SAXO1: variants seen among roughly 807,000 people sequenced by gnomAD.
SAXO1 encodes stabilizer of axonemal microtubules 1, also known as 4930500O09Rik.
SAXO1 carries 21 observed loss-of-function variants against 17.5 expected under a neutral mutation model. The observed-to-expected ratio is 1.20, with a 90% CI of 0.85 to 1.72. The LOEUF is 1.72. SAXO1 is among the 40% of genes most tolerant of loss of function. The pLI is 0.00. For missense variants in SAXO1, 843 were observed against 596.0 expected, an observed-to-expected ratio of 1.41 and a Z score of -4.32; for synonymous variants, 274 against 216.5, an observed-to-expected ratio of 1.27 and a Z score of -2.33.
At chr9:18,936,067 G>T (rs981925431) in intron 3 of SAXO1, among the ~76,000 whole-genome samples, 1 of 152,104 alleles carries the variant, frequency 6.6e-6, no homozygotes, top group Non-Finnish European at 1.5e-5. Context: ...GTCTAGAAAT[G>T]GTTGATTTTC....
rs1454467617 is a variant in SAXO1 at position 18,959,603 on chromosome 9, T to C, written c.39-8666A>G. Among the ~76,000 whole-genome samples, 9 of 152,206 alleles carry C rather than the reference T, an allele frequency of 5.9e-5. No individual in the cohort carries two copies. The East Asian group carries it at 1.7e-3, about 29-fold the overall frequency. On this transcript the variant is annotated intron_variant, in intron 1 of 3. Coordinates refer to ENST00000380534, the MANE Select transcript of SAXO1 (RefSeq NM_153707.4). ...CTGGCCAATATGGTGAAACCCCATC[T>C]CTACCAAAAATACAAAAATTGGCCA... is the stretch of plus-strand genomic sequence containing the variant.
At chr9:18,979,534 T>C (rs933250069) in intron 1 of SAXO1, among the ~76,000 whole-genome samples, 4 of 152,164 alleles carry the variant, frequency 2.6e-5, no homozygotes, top group African/African-American at 9.7e-5. Context: ...TCCAGAGCCT[T>C]TGGCCTGGGG....
chr9:19,045,539 T>C (rs998714217), intron 1 of SAXO1, among the ~76,000 whole-genome samples: 1 of 152,154 alleles, frequency 6.6e-6, no homozygotes, highest in African/African-American at 2.4e-5. Context: ...AGCTGGCCTA[T>C]AAACTGAATA....
At chr9:18,997,602 G>A (rs908229679) in intron 1 of SAXO1, among the ~76,000 whole-genome samples, 2 of 152,246 alleles carry the variant, frequency 1.3e-5, no homozygotes, top group African/African-American at 2.4e-5. Flanking sequence ...TAGTTCTGAA[G>A]ACAGCAGTGG....
intron 1 of SAXO1, among the ~76,000 whole-genome samples, chr9:18,954,393 G>C (rs1365143680): frequency 6.6e-6 from 1 of 151,836 alleles, no homozygotes; most frequent in Non-Finnish European, 1.5e-5. Context: ...CTGGAGGGCA[G>C]TGGTGCCATC....
chr9:18,971,259 A>C (rs1208474095), intron 1 of SAXO1, among the ~76,000 whole-genome samples: 7 of 152,098 alleles, frequency 4.6e-5, no homozygotes, highest in African/African-American at 1.7e-4. Flanking sequence ...CACTGCTCGT[A>C]AGCTGCCAAA....
chr9:19,031,824 C>T (rs536567332), intron 1 of SAXO1, among the ~76,000 whole-genome samples: 2 of 152,254 alleles, frequency 1.3e-5, no homozygotes, highest in African/African-American at 4.8e-5. Context: ...TAATCAGCAG[C>T]CAGAGTTGGG....
rs1166649923 is a variant in SAXO1 at position 18,928,170 on chromosome 9, T to C, written c.1307A>G (p.Asp436Gly). Residue 436 changes from aspartate (D) to glycine (G), a missense_variant, in exon 4 of 4, where the codon GAT becomes GGT. Asp to Gly is a moderately conservative substitution (Grantham distance 94). Coordinates refer to ENST00000380534, the MANE Select transcript of SAXO1 (RefSeq NM_153707.4). ...TTTGTATATCCTGTGACCCAAAGCA[T>C]CCACTTCCTCAAAGGTGTAGCCAGG... The part of the protein sequence containing the change: ...EPPGYTFEEV[D>G]ALGHRIYKPV... 1.2e-6 allele frequency: 2 copies of C among 1,614,080 alleles called. No homozygotes were observed. The highest frequency in any genetic ancestry group is 1.3e-5 in the African/African-American group (1 of 74,934).
chr9:18,996,109 T>G (rs1431360836), intron 1 of SAXO1, among the ~76,000 whole-genome samples: 1 of 152,032 alleles, frequency 6.6e-6, no homozygotes, highest in Non-Finnish European at 1.5e-5. Flanking sequence ...AAAGTTTTAT[T>G]ATATAAATGT....
chr9:19,034,762 G>C (rs1835892531), upstream of SAXO1, among the ~76,000 whole-genome samples: 1 of 152,230 alleles, frequency 6.6e-6, no homozygotes, highest in Non-Finnish European at 1.5e-5. Context: ...GGAAGTCAAA[G>C]CAAAACCTGC....
intron 1 of SAXO1, among the ~76,000 whole-genome samples, chr9:19,012,082 G>A (rs374207168): frequency 1.3e-4 from 20 of 151,928 alleles, no homozygotes; most frequent in East Asian, 3.9e-4. Context: ...TTGACCTCAT[G>A]ATCCGCCCAC....
chr9:19,046,653 G>T (rs911382979), intron 1 of SAXO1, among the ~76,000 whole-genome samples: 4 of 150,724 alleles, frequency 2.7e-5, no homozygotes, highest in African/African-American at 9.8e-5. Context: ...GGTGAGCTGA[G>T]ATCATGCCAT....
At chr9:18,945,369 T>C (rs1831748436) in intron 2 of SAXO1, among the ~76,000 whole-genome samples, 1 of 152,256 alleles carries the variant, frequency 6.6e-6, no homozygotes, top group African/African-American at 2.4e-5. Flanking sequence ...ACTTCCGTGA[T>C]ACCACTCCTC....
chr9:18,980,935 C>A (rs1245098005), intron 1 of SAXO1, among the ~76,000 whole-genome samples: 1 of 152,206 alleles, frequency 6.6e-6, no homozygotes, highest in East Asian at 1.9e-4. Context: ...GGGAGATTTT[C>A]ACCTTTAAAA....
intron 1 of SAXO1, among the ~76,000 whole-genome samples, chr9:19,021,312 G>C (rs1446087211): frequency 6.6e-6 from 1 of 152,186 alleles, no homozygotes; most frequent in South Asian, 2.1e-4. Flanking sequence ...GTACCCAGAA[G>C]AAAACAGATC....
chr9:19,037,677 T>A (rs1251885127), upstream of SAXO1, among the ~76,000 whole-genome samples: 1 of 152,208 alleles, frequency 6.6e-6, no homozygotes, highest in Non-Finnish European at 1.5e-5. Flanking sequence ...GTCTCAGGTA[T>A]GCCTTTATCA....
intron 1 of SAXO1, among the ~76,000 whole-genome samples, chr9:18,991,776 C>A (rs905812694): frequency 6.6e-6 from 1 of 152,118 alleles, no homozygotes; most frequent in Non-Finnish European, 1.5e-5. Context: ...CATCCCCAAA[C>A]CATCTCCTAC....
At chr9:18,948,023 T>TA (rs1221588076) in intron 2 of SAXO1, among the ~76,000 whole-genome samples, 1 of 152,114 alleles carries the variant, frequency 6.6e-6, no homozygotes, top group Non-Finnish European at 1.5e-5. Flanking sequence ...ACTGTTTAGA[T>TA]AAAGAAGTGG....
intron 1 of SAXO1, among the ~76,000 whole-genome samples, chr9:18,964,993 C>A (rs890315022): frequency 3.9e-5 from 6 of 152,158 alleles, no homozygotes; most frequent in African/African-American, 1.2e-4. Flanking sequence ...TTATTTATTT[C>A]TGCCTTAACT....
Sources: allele counts gnomAD v4.1 joint callset (sites outside exome capture counted in the v4.1 genomes callset), GRCh38; gene constraint gnomAD v4.1.1; transcripts MANE v1.5; gene names NCBI Gene and HGNC (gene_info 2026-07-23, HGNC 2026-07-21).